Variants in PTPRT observed in about 807,000 individuals in gnomAD.
PTPRT encodes the protein receptor-type tyrosine-protein phosphatase T.
A neutral mutation model predicts 176.8 loss-of-function variants in PTPRT; 56 were observed. That is an observed-to-expected ratio of 0.32 (90% confidence interval 0.26 to 0.40). The LOEUF (loss-of-function observed/expected upper bound fraction) is 0.40. Among genes scored for constraint, PTPRT ranks in the 10% least tolerant of loss-of-function variants. The probability of loss-of-function intolerance (pLI) is 1.00; values close to 1 mark genes in which losing one functional copy is unlikely to be tolerated. For missense variants in PTPRT, 1,540 were observed against 1,908.2 expected (o/e 0.81, Z 3.60); for synonymous variants, 783 against 739.0 (o/e 1.06, Z -0.96).
chr20:42,527,125 A>G (rs1202990044), intron 7 of PTPRT, among the ~76,000 whole-genome samples: 1 of 151,688 alleles, frequency 6.6e-6, no homozygotes, highest in African/African-American at 2.4e-5. Context: ...CACTATGTCC[A>G]GCTAATTTTT....
downstream of PTPRT, among the ~76,000 whole-genome samples, chr20:42,070,259 A>T (rs1982267350): frequency 6.6e-6 from 1 of 151,750 alleles, no homozygotes; most frequent in Non-Finnish European, 1.5e-5. Context: ...TTCTGATGGA[A>T]GGCTTGAGCC....
At chr20:42,477,016 C>G (rs2071301690) in intron 7 of PTPRT, among the ~76,000 whole-genome samples, 1 of 152,238 alleles carries the variant, frequency 6.6e-6, no homozygotes, top group Non-Finnish European at 1.5e-5. Context: ...CAAACTGCAT[C>G]TCTTCCTGCA....
chr20:42,673,159 G>A lies in PTPRT; in HGVS notation c.1153+4707C>T, dbSNP rs186341358. 5.1e-4 allele frequency among the ~76,000 whole-genome samples: 77 copies of A among 152,254 alleles called. 1 individual carries two copies. Among genetic ancestry groups the A allele is most frequent in the African/African-American group, 1.8e-3 (74 of 41,542 alleles). On this transcript the variant is annotated intron_variant, in intron 7 of 30. Transcript: ENST00000373187. ...AAGTCCTGTGGTGAAGAGTTTCTCT[G>A]GCCAAGAGACCTAGCATTTAACCGA...
chr20:42,619,033 T>C (rs1252693485), intron 7 of PTPRT, among the ~76,000 whole-genome samples: 1 of 151,706 alleles, frequency 6.6e-6, no homozygotes, highest in Non-Finnish European at 1.5e-5. Context: ...TTCTTCCTAG[T>C]CTCGATGGTC....
At chr20:43,004,814 C>A (rs1245927420) in intron 1 of PTPRT, among the ~76,000 whole-genome samples, 1 of 152,164 alleles carries the variant, frequency 6.6e-6, no homozygotes, top group Admixed American at 6.5e-5. Context: ...GAATAAAATA[C>A]TCTTGAAATA....
intron 1 of PTPRT, among the ~76,000 whole-genome samples, chr20:43,097,749 A>C (rs2146319387): frequency 6.6e-6 from 1 of 152,272 alleles, no homozygotes; most frequent in East Asian, 1.9e-4. Context: ...AGAGGGAGAC[A>C]CCTAAGCCCA....
rs73618848 is a variant in PTPRT at position 42,406,528 on chromosome 20, G to A, written c.1560+41692C>T. The stretch of plus-strand genomic sequence containing the variant: ...AATACCTTTATAAAAACCACCTCAG[G>A]TCTAGATCCTTTTTTTTCCAAATGA... On this transcript the variant is annotated intron_variant, in intron 9 of 30. Transcript: ENST00000373187. 1.1e-4 allele frequency among the ~76,000 whole-genome samples: 17 copies of A among 151,958 alleles called. No individual in the cohort carries two copies. The East Asian group carries it at 1.2e-3, about 10-fold the overall frequency.
intron 7 of PTPRT, among the ~76,000 whole-genome samples, chr20:42,537,949 T>C (rs1056724252): frequency 6.6e-5 from 10 of 152,182 alleles, no homozygotes; most frequent in African/African-American, 9.6e-5. Context: ...GATTCTCTAA[T>C]AGATCTCTGA....
At chr20:42,524,981 C>T (rs1471683002) in intron 7 of PTPRT, among the ~76,000 whole-genome samples, 1 of 152,094 alleles carries the variant, frequency 6.6e-6, no homozygotes, top group Non-Finnish European at 1.5e-5. Flanking sequence ...TTGGTGTTCT[C>T]AATCCATTAT....
At chr20:42,270,554 T>C in intron 13 of PTPRT, 1 of 1,019,096 alleles carries the variant, frequency 9.8e-7, no homozygotes, top group South Asian at 1.5e-5. Flanking sequence ...CTGCAATTCT[T>C]GTGGCTCTGA....
chr20:42,490,529 T>C (rs2071544288), intron 7 of PTPRT, among the ~76,000 whole-genome samples: 1 of 152,194 alleles, frequency 6.6e-6, no homozygotes, highest in Non-Finnish European at 1.5e-5. Flanking sequence ...TGTACAGACA[T>C]GCTATTGATT....
At chr20:42,788,604 T>C (rs1235620314) in intron 3 of PTPRT, among the ~76,000 whole-genome samples, 1 of 152,164 alleles carries the variant, frequency 6.6e-6, no homozygotes, top group African/African-American at 2.4e-5. Flanking sequence ...ACCTGTGCTG[T>C]TCGACAGTCA....
At chr20:42,481,616 A>G (rs915663506) in intron 7 of PTPRT, among the ~76,000 whole-genome samples, 3 of 151,958 alleles carry the variant, frequency 2.0e-5, no homozygotes, top group African/African-American at 7.3e-5. Context: ...TACTCATCAC[A>G]TCTGGTTAGT....
At chr20:42,775,516 A>C (rs2077123109) in intron 4 of PTPRT, among the ~76,000 whole-genome samples, 1 of 152,240 alleles carries the variant, frequency 6.6e-6, no homozygotes, top group Non-Finnish European at 1.5e-5. Context: ...AACACTGAGA[A>C]ACAGCAACAG....
intron 7 of PTPRT, among the ~76,000 whole-genome samples, chr20:42,584,783 G>A (rs1452933793): frequency 6.6e-6 from 1 of 152,128 alleles, no homozygotes; most frequent in African/African-American, 2.4e-5. Context: ...CCTGGGTGTA[G>A]GACTGATCAA....
At chr20:42,164,826 A>G (rs2146518132) in intron 16 of PTPRT, among the ~76,000 whole-genome samples, 1 of 152,348 alleles carries the variant, frequency 6.6e-6, no homozygotes, top group East Asian at 1.9e-4. Context: ...CACGCTGCTC[A>G]TAAAATGTAA....
chr20:42,746,393 G>A (rs2145362126), intron 6 of PTPRT, among the ~76,000 whole-genome samples: 1 of 152,308 alleles, frequency 6.6e-6, no homozygotes, highest in Middle Eastern at 3.4e-3. Flanking sequence ...GGGCACCCAT[G>A]AGGAGGATGG....
At chr20:43,083,194 A>G (rs2146290731) in intron 1 of PTPRT, among the ~76,000 whole-genome samples, 1 of 149,716 alleles carries the variant, frequency 6.7e-6, no homozygotes, top group South Asian at 2.1e-4. Flanking sequence ...TATCCTTCTC[A>G]TTTCTTATTA....
chr20:43,015,986 T>C (rs989542197), intron 1 of PTPRT, among the ~76,000 whole-genome samples: 8 of 150,254 alleles, frequency 5.3e-5, no homozygotes, highest in African/African-American at 1.7e-4. Flanking sequence ...TTGCGACATG[T>C]CCCCTCTCTC....
Sources: allele counts gnomAD v4.1 joint callset (sites outside exome capture counted in the v4.1 genomes callset), GRCh38; gene constraint gnomAD v4.1.1; transcripts MANE v1.5; gene names NCBI Gene and HGNC (gene_info 2026-07-23, HGNC 2026-07-21).